PBX3: variants seen among roughly 807,000 people sequenced by gnomAD.
PBX3 encodes pre-B-cell leukemia transcription factor 3.
In PBX3, 14 loss-of-function variants were observed where a neutral mutation model predicts 48.5. The observed-to-expected ratio is 0.29, with a 90% confidence interval of 0.19 to 0.45. PBX3 has a LOEUF of 0.45. Among genes scored for constraint, PBX3 ranks in the 20% least tolerant of loss-of-function variants. PBX3 has a pLI of 1.00. For missense variants in PBX3, 386 were observed against 546.7 expected, an observed-to-expected ratio of 0.71 and a Z score of 2.93; for synonymous variants, 210 against 200.3, an observed-to-expected ratio of 1.05 and a Z score of -0.41.
chr9:125,959,102 A>C (rs559005258), intron 5 of PBX3, among the ~76,000 whole-genome samples: 64 of 152,336 alleles, frequency 4.2e-4, no homozygotes, highest in African/African-American at 1.5e-3. Context: ...CCCATCTACC[A>C]CCTAGCCCTT....
chr9:125,760,219 A>G (rs1053788638), intron 2 of PBX3, among the ~76,000 whole-genome samples: 11 of 152,192 alleles, frequency 7.2e-5, no homozygotes, highest in African/African-American at 7.2e-5. Flanking sequence ...TCATCTCAAC[A>G]TTTTTCTCTT....
At chr9:125,803,733 ACTC>A (rs1433113417) in intron 2 of PBX3, among the ~76,000 whole-genome samples, 4 of 152,132 alleles carry the variant, frequency 2.6e-5, no homozygotes, top group Non-Finnish European at 5.9e-5. Context: ...TTTGATGACT[ACTC>A]TCGTTTATTT....
At chr9:125,760,497 T>C (rs1318150616) in intron 2 of PBX3, among the ~76,000 whole-genome samples, 1 of 152,194 alleles carries the variant, frequency 6.6e-6, no homozygotes, top group Non-Finnish European at 1.5e-5. Context: ...TATAAAATAA[T>C]ATTAGCATGG....
intron 2 of PBX3, among the ~76,000 whole-genome samples, chr9:125,906,963 C>T (rs1841087784): frequency 1.3e-5 from 2 of 152,032 alleles, no homozygotes; most frequent in Admixed American, 6.6e-5. Flanking sequence ...AACAAATCAA[C>T]AGCACCATTT....
At chr9:125,952,689 T>C (rs1016268789) in intron 5 of PBX3, among the ~76,000 whole-genome samples, 11 of 152,256 alleles carry the variant, frequency 7.2e-5, no homozygotes, top group African/African-American at 2.7e-4. Context: ...GTCACTCGTA[T>C]AGCTCTGGGT....
intron 2 of PBX3, among the ~76,000 whole-genome samples, chr9:125,840,364 C>T (rs1347132435): frequency 1.1e-4 from 16 of 151,742 alleles, no homozygotes; most frequent in Non-Finnish European, 2.2e-4. Flanking sequence ...TGCTGTCCTG[C>T]GTATGCTGGC....
chr9:125,948,653 A>G (rs13293109), intron 5 of PBX3, among the ~76,000 whole-genome samples: 86,295 of 151,748 alleles, frequency 0.57, 27,254 homozygotes, highest in Middle Eastern at 0.73. Context: ...TGTATGTGGT[A>G]TGTGTATGTA....
chr9:125,908,950 GT>G (rs1841140393), intron 2 of PBX3, among the ~76,000 whole-genome samples: 1 of 151,952 alleles, frequency 6.6e-6, no homozygotes, highest in African/African-American at 2.4e-5. Flanking sequence ...AACATGGCCC[GT>G]TTTTTCCTTC....
intron 2 of PBX3, among the ~76,000 whole-genome samples, chr9:125,872,928 G>A (rs758529978): frequency 1.3e-5 from 2 of 151,230 alleles, no homozygotes; most frequent in African/African-American, 2.4e-5. Context: ...GGCTGGGCGC[G>A]GTGGCTCACG....
At chr9:125,919,234 G>A (rs78776856) in intron 3 of PBX3, among the ~76,000 whole-genome samples, 1 of 150,378 alleles carries the variant, frequency 6.6e-6, no homozygotes, top group South Asian at 2.1e-4. Context: ...TTTTTTTTAA[G>A]ACAGAATCTC....
intron 2 of PBX3, among the ~76,000 whole-genome samples, chr9:125,785,283 T>C (rs1837429193): frequency 6.6e-6 from 1 of 152,196 alleles, no homozygotes; most frequent in Admixed American, 6.5e-5. Flanking sequence ...AGGTTAACAT[T>C]TGAGTCAGTG....
chr9:125,772,915 GA>G (rs1836977259), intron 2 of PBX3, among the ~76,000 whole-genome samples: 1 of 151,990 alleles, frequency 6.6e-6, no homozygotes, highest in African/African-American at 2.4e-5. Flanking sequence ...ATTCTCCCCA[GA>G]AAAAAGAGTG....
intron 2 of PBX3, among the ~76,000 whole-genome samples, chr9:125,909,400 T>A (rs147300360): frequency 4.9e-4 from 75 of 152,292 alleles, no homozygotes; most frequent in African/African-American, 1.6e-3. Flanking sequence ...TAGCAAGGAA[T>A]GTAATAAATG....
At chr9:125,769,514 A>C (rs1836887906) in intron 2 of PBX3, among the ~76,000 whole-genome samples, 1 of 152,220 alleles carries the variant, frequency 6.6e-6, no homozygotes, top group Non-Finnish European at 1.5e-5. Flanking sequence ...CTGGAAAGAA[A>C]CAGGTTTTTA....
At chr9:125,936,900 G>A (rs1400186512) in intron 5 of PBX3, among the ~76,000 whole-genome samples, 1 of 152,096 alleles carries the variant, frequency 6.6e-6, no homozygotes, top group Non-Finnish European at 1.5e-5. Context: ...ATGATATGCC[G>A]GGTTAGCCAG....
At chr9:125,808,192 CAATTTTTTTGTTGGTTTATGAT>C (rs1838184282) in intron 2 of PBX3, among the ~76,000 whole-genome samples, 2 of 152,026 alleles carry the variant, frequency 1.3e-5, no homozygotes, top group Middle Eastern at 3.2e-3. Context: ...TGTGGGGAAA[CAATTTTTTTGTTGGTTTATGAT>C]TATATCATTT....
At chr9:125,824,873 A>C (rs947138272) in intron 2 of PBX3, among the ~76,000 whole-genome samples, 1 of 152,214 alleles carries the variant, frequency 6.6e-6, no homozygotes, top group Non-Finnish European at 1.5e-5. Context: ...ATGCGTTGTG[A>C]AAAGTGCTTT....
chr9:125,957,802 C>T (rs779675457), intron 5 of PBX3, among the ~76,000 whole-genome samples: 2 of 152,166 alleles, frequency 1.3e-5, no homozygotes, highest in African/African-American at 4.8e-5. Flanking sequence ...TACCAAATTC[C>T]CTCTCAACCA....
At chr9:125,916,016 G>A (rs1841324510) in intron 3 of PBX3, 89 bp downstream of exon 3, 10 of 1,518,166 alleles carry the variant, frequency 6.6e-6, no homozygotes, top group Non-Finnish European at 8.8e-6. Flanking sequence ...GCTGTGAGGG[G>A]TAGGTGTTAA....
Sources: gnomAD v4.1 joint callset for allele counts (sites outside exome capture counted in the v4.1 genomes callset) on GRCh38, gnomAD v4.1.1 for gene constraint, MANE v1.5 for transcripts, NCBI Gene and HGNC (gene_info 2026-07-23, HGNC 2026-07-21) for gene names.